MCTP2: variants seen among roughly 807,000 people sequenced by gnomAD.
The protein encoded by MCTP2 is multiple C2 and transmembrane domain-containing protein 2.
In MCTP2, 132 loss-of-function variants were observed where a neutral mutation model predicts 111.6. The ratio of observed to expected loss-of-function variants is 1.18; its 90% CI spans 1.03 to 1.37. MCTP2 has a LOEUF of 1.37. MCTP2 is among the 40% of genes most tolerant of loss of function. MCTP2 has a pLI of 0.00. For synonymous variants in MCTP2, 395 were observed against 387.7 expected, an observed-to-expected ratio of 1.02 and a Z score of -0.22; for missense variants, 1,183 against 1,067.9, an observed-to-expected ratio of 1.11 and a Z score of -1.50.
intron 15 of MCTP2, 106 bp downstream of exon 15, chr15:94,399,168 C>A: frequency 1.5e-6 from 1 of 657,384 alleles, no homozygotes; most frequent in South Asian, 1.7e-5. Flanking sequence ...ATTTTTGCAG[C>A]TACAGAGAGG....
chr15:94,242,412 A>G (rs996916703), intron 1 of MCTP2, among the ~76,000 whole-genome samples: 1 of 152,156 alleles, frequency 6.6e-6, no homozygotes, highest in Non-Finnish European at 1.5e-5. Flanking sequence ...GATTCTTCGT[A>G]ATAAGCAAAC....
At chr15:94,366,753 A>G (rs996837412) in intron 10 of MCTP2, among the ~76,000 whole-genome samples, 1 of 152,212 alleles carries the variant, frequency 6.6e-6, no homozygotes, top group East Asian at 1.9e-4. Context: ...ACTTTACTCA[A>G]CCCCACCTAC....
chr15:94,252,254 ATC>A (rs1409740135), intron 1 of MCTP2, among the ~76,000 whole-genome samples: 1 of 152,156 alleles, frequency 6.6e-6, no homozygotes, highest in East Asian at 1.9e-4. Flanking sequence ...TAGGGTTCCA[ATC>A]TCTCTAGAGT....
rs369624509 is a variant in MCTP2, at chr15:94,398,954, G to C, written c.1789-7G>C. 6.6e-7 allele frequency: 1 copy of C among 1,503,824 alleles called. No individual in the cohort carries two copies. The highest frequency in any genetic ancestry group is 9.2e-7 in the Non-Finnish European group (1 of 1,084,044). The allele number at this position is 1,503,824 out of a possible 1,614,324, so 93.2% of individuals were successfully genotyped here. A position where few individuals can be genotyped will look rare whatever the true frequency, so the allele number is the denominator to read the frequency against. Reference sequence around the variant, plus strand: ...CCAATGTGTATTTTGTCTTTTGTTTGTGACAGATTAGAGATGGACAACCGA... The same window carrying C: ...CCAATGTGTATTTTGTCTTTTGTTTCTGACAGATTAGAGATGGACAACCGA... On this transcript the variant is annotated splice_region_variant and splice_polypyrimidine_tract_variant and intron_variant, in intron 14 of 22. Coordinates refer to ENST00000357742, the MANE Select transcript of MCTP2 (RefSeq NM_001385001.1).
chr15:94,257,375 G>C (rs2072845563), intron 1 of MCTP2, among the ~76,000 whole-genome samples: 1 of 151,836 alleles, frequency 6.6e-6, no homozygotes, highest in Admixed American at 6.6e-5. Context: ...CAGATTCCTA[G>C]CATCCATTGA....
At chr15:94,386,296 T>C (rs1463910061) in intron 14 of MCTP2, among the ~76,000 whole-genome samples, 1 of 152,232 alleles carries the variant, frequency 6.6e-6, no homozygotes, top group Non-Finnish European at 1.5e-5. Flanking sequence ...TGTTTTAGGC[T>C]TATTATGGCT....
intron 1 of MCTP2, among the ~76,000 whole-genome samples, chr15:94,288,857 C>T (rs1036705514): frequency 6.6e-6 from 1 of 152,158 alleles, no homozygotes; most frequent in East Asian, 1.9e-4. Flanking sequence ...TAGCTGCCTG[C>T]CCCACCCATT....
chr15:94,245,561 C>T (rs1422184428), intron 1 of MCTP2, among the ~76,000 whole-genome samples: 1 of 139,332 alleles, frequency 7.2e-6, no homozygotes, highest in Non-Finnish European at 1.5e-5. Context: ...TATATGTATA[C>T]ATATATGTAT....
At chr15:94,253,101 C>T (rs974855293) in intron 1 of MCTP2, among the ~76,000 whole-genome samples, 1 of 152,134 alleles carries the variant, frequency 6.6e-6, no homozygotes, top group Non-Finnish European at 1.5e-5. Context: ...GAAACTTCCT[C>T]TCTCTTTCCT....
chr15:94,378,556 CTT>C (rs2079912064), intron 12 of MCTP2, among the ~76,000 whole-genome samples: 2 of 152,246 alleles, frequency 1.3e-5, no homozygotes, highest in African/African-American at 2.4e-5. Flanking sequence ...AAAAAGGAAA[CTT>C]TCTTATGTCA....
At chr15:94,401,804 A>T (rs1174869459) in intron 16 of MCTP2, 96 bp from the exon 17 acceptor site, 5 of 909,646 alleles carry the variant, frequency 5.5e-6, no homozygotes, top group Non-Finnish European at 6.5e-6. Flanking sequence ...ATTGGGATCT[A>T]TACAAAATAT....
chr15:94,470,980 C>T (rs776320964), intron 21 of MCTP2, among the ~76,000 whole-genome samples: 61 of 152,162 alleles, frequency 4.0e-4, no homozygotes, highest in South Asian at 1.7e-3. Flanking sequence ...TTATTATTTA[C>T]CAGGGGAAAT....
intron 2 of MCTP2, among the ~76,000 whole-genome samples, chr15:94,309,956 G>A (rs563512220): frequency 1.3e-5 from 2 of 152,330 alleles, no homozygotes; most frequent in African/African-American, 4.8e-5. Context: ...CTGTGTTTCT[G>A]AATGCTAGTA....
chr15:94,398,475 C>G (rs2152471724), intron 14 of MCTP2, among the ~76,000 whole-genome samples: 1 of 152,284 alleles, frequency 6.6e-6, no homozygotes, highest in Non-Finnish European at 1.5e-5. Context: ...TGATTAAACT[C>G]TGATCCCTAT....
chr15:94,388,265 T>G (rs980972164), intron 14 of MCTP2, among the ~76,000 whole-genome samples: 2 of 152,188 alleles, frequency 1.3e-5, no homozygotes, highest in Admixed American at 6.5e-5. Context: ...GGCCATTCCT[T>G]TCAGGGACTT....
chr15:94,460,212 AAGAC>A (rs1567754675), intron 20 of MCTP2, among the ~76,000 whole-genome samples: 1 of 152,172 alleles, frequency 6.6e-6, no homozygotes, highest in Non-Finnish European at 1.5e-5. Flanking sequence ...ATGTAGGAGA[AAGAC>A]AGACCGCAGG....
intron 1 of MCTP2, among the ~76,000 whole-genome samples, chr15:94,244,281 TAC>T (rs1491116597): frequency 2.0e-5 from 3 of 148,240 alleles, no homozygotes; most frequent in Admixed American, 6.7e-5. Context: ...CACACATATA[TAC>T]ACATACATAT....
intron 2 of MCTP2, among the ~76,000 whole-genome samples, chr15:94,311,181 C>T (rs1301067779): frequency 1.3e-5 from 2 of 151,828 alleles, no homozygotes; most frequent in African/African-American, 2.4e-5. Context: ...CACGCCACCA[C>T]ACCCGGCTAA....
At chr15:94,342,347 T>G (rs1259379643) in intron 7 of MCTP2, 1 of 152,178 alleles carries the variant, frequency 6.6e-6, no homozygotes, top group Non-Finnish European at 1.5e-5. Context: ...AGACTCAGCT[T>G]GGAGCTGTTT....
Sources: gnomAD v4.1 joint callset for allele counts (sites outside exome capture counted in the v4.1 genomes callset) on GRCh38, gnomAD v4.1.1 for gene constraint, MANE v1.5 for transcripts, NCBI Gene and HGNC (gene_info 2026-07-23, HGNC 2026-07-21) for gene names.